Variants in CHD7 observed in about 807,000 individuals in gnomAD.
The protein encoded by CHD7 is chromodomain helicase DNA binding protein 7, also known as ATP-dependent chromatin remodeler CHD7.
Under a neutral mutation model 307.3 loss-of-function variants are expected in CHD7, and 24 were observed. The ratio of observed to expected loss-of-function variants is 0.08; its 90% CI spans 0.06 to 0.11. CHD7 has a LOEUF of 0.11. Among genes scored for constraint, CHD7 ranks in the 10% least tolerant of loss-of-function variants. The pLI, the probability that CHD7 is intolerant of heterozygous loss-of-function variation, is 1.00. For missense variants in CHD7, 3,106 were observed against 3,727.1 expected (o/e 0.83, Z 4.34); for synonymous variants, 1,363 against 1,349.9 (o/e 1.01, Z -0.21).
rs372084295 is a variant in CHD7, at chr8:60,842,067, C to T, written c.4850+15C>T. 6.3e-7 allele frequency: 1 copy of T among 1,590,202 alleles called. No individual in the cohort carries two copies. Among genetic ancestry groups the T allele is most frequent in the Non-Finnish European group, 8.6e-7 (1 of 1,163,630 alleles). On this transcript the variant is annotated intron_variant, in intron 21 of 37. Coordinates refer to ENST00000423902, the MANE Select transcript of CHD7 (RefSeq NM_017780.4). ...CTTGTCTATGGGTAAGTAGGACTCACTACGTAAGATAGAATTTTATTGTAA... is the reference window on the plus strand; with the variant it reads ...CTTGTCTATGGGTAAGTAGGACTCATTACGTAAGATAGAATTTTATTGTAA...
At position 60,741,514 on chromosome 8, in the gene CHD7, G is replaced by C. The variant is rs1809007006; in HGVS notation, c.82G>C (p.Gly28Arg). The change falls in exon 2 of 38, where the codon GGT becomes CGT. Residue 28 changes from glycine (G) to arginine (R), a missense_variant. Gly to Arg is a moderately radical substitution (Grantham distance 125). Transcript: ENST00000423902. Reference sequence around the variant, plus strand: ...AGGTCTTGAAGGCCTCGGAGAATGTGGTTACCCGGAAAATCCAGTAAATCC... The same window carrying C: ...AGGTCTTGAAGGCCTCGGAGAATGTCGTTACCCGGAAAATCCAGTAAATCC... ...SEGLEGLGEC[G>R]YPENPVNPMG... 1 of 1,613,092 alleles carries C rather than the reference G, an allele frequency of 6.2e-7. No homozygotes were observed. The highest frequency in any genetic ancestry group is 1.3e-5 in the African/African-American group (1 of 75,022).
chr8:60,803,080 T>A (rs1812386448), intron 6 of CHD7, among the ~76,000 whole-genome samples: 3 of 152,194 alleles, frequency 2.0e-5, no homozygotes, highest in Non-Finnish European at 4.4e-5. Context: ...ACAAGCACTA[T>A]TTAACTCATT....
chr8:60,706,090 C>T (rs1324901958), intron 1 of CHD7, among the ~76,000 whole-genome samples: 1 of 151,772 alleles, frequency 6.6e-6, no homozygotes. Context: ...TTTTAATGGT[C>T]CTGAGCTATG....
At chr8:60,792,320 G>A (rs1811815067) in intron 3 of CHD7, among the ~76,000 whole-genome samples, 1 of 152,172 alleles carries the variant, frequency 6.6e-6, no homozygotes, top group African/African-American at 2.4e-5. Context: ...CAGAATAGTA[G>A]CAAAGGCAAT....
intron 2 of CHD7, among the ~76,000 whole-genome samples, chr8:60,771,680 T>TCCACA (rs368924739): frequency 1.1e-4 from 16 of 151,928 alleles, no homozygotes; most frequent in African/African-American, 3.6e-4. Context: ...TGGGGAGTCT[T>TCCACA]GACTGGGGAG....
intron 1 of CHD7, among the ~76,000 whole-genome samples, chr8:60,690,681 C>T (rs554586022): frequency 1.3e-5 from 2 of 152,182 alleles, no homozygotes; most frequent in Non-Finnish European, 2.9e-5. Context: ...CACTGTGGAG[C>T]ACACAGGTGG....
chr8:60,744,514 A>T (rs11993480), intron 2 of CHD7, among the ~76,000 whole-genome samples: 2 of 118,340 alleles, frequency 1.7e-5, no homozygotes, highest in Admixed American at 9.6e-5. Context: ...TAGTGGTGAT[A>T]ATTGTCTTCT....
Position 60,735,400 on chromosome 8 carries a change from C to G in CHD7, c.-174-5859C>G, listed in dbSNP as rs963247658. Among the ~76,000 whole-genome samples, 5 of 152,200 alleles carry G rather than the reference C, an allele frequency of 3.3e-5. No individual in the cohort carries two copies. The East Asian group carries it at 9.6e-4, about 29-fold the overall frequency. On this transcript the variant is annotated intron_variant, in intron 1 of 37. Coordinates refer to ENST00000423902, the MANE Select transcript of CHD7 (RefSeq NM_017780.4). ...ACCTAGTAATATGAATGGAGGTTAC[C>G]AGTACAATCCTTATTACTATTTATG...
rs550650297 is a variant in CHD7, at chr8:60,796,750, A to G, written c.2238+1623A>G. On this transcript the variant is annotated intron_variant, in intron 4 of 37. Coordinates refer to ENST00000423902, the MANE Select transcript of CHD7 (RefSeq NM_017780.4). ...CAATAGCTAATATAAGCAACCACAC[A>G]AGATCTGACTTTGAAAGCTGTGTTT... 8.5e-5 allele frequency among the ~76,000 whole-genome samples: 13 copies of G among 152,320 alleles called. No individual in the cohort carries two copies. In the South Asian group the frequency reaches 1.0e-3, roughly 12 times the overall value.
chr8:60,756,457 G>A (rs1236148692), intron 2 of CHD7, among the ~76,000 whole-genome samples: 1 of 152,142 alleles, frequency 6.6e-6, no homozygotes, highest in Non-Finnish European at 1.5e-5. Flanking sequence ...TTGTTTTATG[G>A]TATAAGTGAT....
rs1812312012 is a variant in CHD7, at chr8:60,801,542, A to G, written c.2391A>G (p.Ala797=). ...TTTTTTTTTAGGAATCTGTTGATGC[A>G]GAAGGCCCAGTGGTAGAAAAAATTA... The part of the protein sequence containing the change: ...SQSEQQESVD[A]EGPVVEKIMS... The change falls in exon 6 of 38, where the codon GCA becomes GCG. Residue 797 remains alanine, a synonymous_variant. Transcript: ENST00000423902. The G allele has an allele frequency of 2.5e-6, 4 of 1,573,632 alleles. No homozygotes were observed. The highest frequency in any genetic ancestry group is 2.3e-5 in the South Asian group (2 of 85,492).
At chr8:60,824,148 G>A in intron 13 of CHD7, 132 bp downstream of exon 13, 1 of 796,442 alleles carries the variant, frequency 1.3e-6, no homozygotes, top group Non-Finnish European at 2.0e-6. Flanking sequence ...ATATTCTCTG[G>A]CACTTTCAGT....
intron 3 of CHD7, among the ~76,000 whole-genome samples, chr8:60,782,210 A>G (rs1020222564): frequency 2.0e-5 from 3 of 152,220 alleles, no homozygotes; most frequent in Admixed American, 1.3e-4. Context: ...TAGTTTCCAG[A>G]TGGAACTATG....
chr8:60,775,480 A>G (rs919245113), intron 2 of CHD7, among the ~76,000 whole-genome samples: 2 of 147,262 alleles, frequency 1.4e-5, no homozygotes, highest in African/African-American at 4.9e-5. Flanking sequence ...CTTTTGAAAC[A>G]TTTGATAATC....
At chr8:60,864,069 AAATT>A (rs1485396099) in intron 37 of CHD7, 1 of 151,816 alleles carries the variant, frequency 6.6e-6, no homozygotes, top group Non-Finnish European at 1.5e-5. Flanking sequence ...TAATTGACAA[AAATT>A]AATTGATGAA....
chr8:60,739,453 A>G (rs1483849136), intron 1 of CHD7, among the ~76,000 whole-genome samples: 1 of 152,184 alleles, frequency 6.6e-6, no homozygotes, highest in Non-Finnish European at 1.5e-5. Context: ...ACTTCTCTTT[A>G]TTTTGGATTT....
intron 6 of CHD7, among the ~76,000 whole-genome samples, chr8:60,806,742 C>G (rs1812553986): frequency 6.6e-6 from 1 of 152,156 alleles, no homozygotes; most frequent in Admixed American, 6.5e-5. Context: ...GTGGCTCATG[C>G]CTGTAATCCC....
At chr8:60,711,393 G>A (rs188909804) in intron 1 of CHD7, among the ~76,000 whole-genome samples, 67 of 152,190 alleles carry the variant, frequency 4.4e-4, no homozygotes, top group African/African-American at 1.5e-3. Flanking sequence ...ACAGCTTGGC[G>A]GCCTACTGAC....
In CHD7 at chr8:60,823,079, A is replaced by C. The variant is rs186383879; in HGVS notation, c.3201+333A>C. ...ACTAAACAAAAATTGGTAATATTAA[A>C]TGTGAATAGAAAGAATATTTTATTA... On this transcript the variant is annotated intron_variant, in intron 12 of 37. Coordinates refer to ENST00000423902, the MANE Select transcript of CHD7 (RefSeq NM_017780.4). 1.9e-3 allele frequency among the ~76,000 whole-genome samples: 291 copies of C among 152,304 alleles called. 1 individual carries two copies. The highest frequency in any genetic ancestry group is 2.1e-3 in the Non-Finnish European group (146 of 68,016).
Sources: allele counts gnomAD v4.1 joint callset (sites outside exome capture counted in the v4.1 genomes callset), GRCh38; gene constraint gnomAD v4.1.1; transcripts MANE v1.5; gene names NCBI Gene and HGNC (gene_info 2026-07-23, HGNC 2026-07-21).